Variants in PALM2AKAP2 observed in about 807,000 individuals in gnomAD.
PALM2AKAP2 encodes the protein PALM2-AKAP2 fusion protein.
A neutral mutation model predicts 71.5 loss-of-function variants in PALM2AKAP2; 37 were observed. That is an observed-to-expected ratio of 0.52 (90% CI 0.40 to 0.68). The LOEUF (loss-of-function observed/expected upper bound fraction) is 0.68. PALM2AKAP2 is among the 30% of genes least tolerant of loss of function. PALM2AKAP2 has a pLI of 0.00. For missense variants in PALM2AKAP2, 1,224 were observed against 1,191.8 expected, an observed-to-expected ratio of 1.03 and a Z score of -0.40; for synonymous variants, 468 against 478.8, an observed-to-expected ratio of 0.98 and a Z score of 0.29.
intron 1 of PALM2AKAP2, among the ~76,000 whole-genome samples, chr9:109,834,571 G>A (rs1828402645): frequency 6.6e-6 from 1 of 151,874 alleles, no homozygotes; most frequent in African/African-American, 2.4e-5. Context: ...GAAAATACAG[G>A]GTCCAGCCCA....
intron 1 of PALM2AKAP2, among the ~76,000 whole-genome samples, chr9:109,767,973 A>AAAGGAAGG (rs1302372252): frequency 5.3e-4 from 58 of 110,148 alleles, no homozygotes; most frequent in African/African-American, 1.0e-3. Context: ...AAGGAAGGAG[A>AAAGGAAGG]AAGGAAGGAA....
At chr9:110,061,696 G>A (rs988927738) in intron 1 of PALM2AKAP2, among the ~76,000 whole-genome samples, 6 of 150,698 alleles carry the variant, frequency 4.0e-5, no homozygotes, top group African/African-American at 7.3e-5. Flanking sequence ...ACACCACCAC[G>A]CCTGGCTAAT....
intron 1 of PALM2AKAP2, among the ~76,000 whole-genome samples, chr9:109,825,868 A>G (rs1828135206): frequency 1.3e-5 from 2 of 152,334 alleles, no homozygotes; most frequent in South Asian, 4.1e-4. Context: ...TACTGGGTAT[A>G]TACACAAAGG....
chr9:109,708,393 A>G (rs956466), intron 1 of PALM2AKAP2, among the ~76,000 whole-genome samples: 53,561 of 152,042 alleles, frequency 0.35, 9,826 homozygotes, highest in African/African-American at 0.46. Context: ...CACTCTTCAT[A>G]TTTTCATCAT....
intron 6 of PALM2AKAP2, among the ~76,000 whole-genome samples, chr9:109,972,638 C>G (rs904837704): frequency 6.6e-6 from 1 of 152,172 alleles, no homozygotes; most frequent in African/African-American, 2.4e-5. Context: ...ACCCCTGCCA[C>G]TAGGGGCATA....
intron 6 of PALM2AKAP2, among the ~76,000 whole-genome samples, chr9:110,006,072 A>C (rs1314215257): frequency 6.6e-6 from 1 of 152,170 alleles, no homozygotes; most frequent in African/African-American, 2.4e-5. Flanking sequence ...AGATTAACCC[A>C]GTACCTCAGT....
intron 3 of PALM2AKAP2, among the ~76,000 whole-genome samples, chr9:110,158,603 A>G (rs1465103219): frequency 6.6e-6 from 1 of 152,206 alleles, no homozygotes; most frequent in African/African-American, 2.4e-5. Context: ...TTTCCTCTGC[A>G]TGAATGAAGC....
At chr9:109,807,328 T>C (rs1174796391) in intron 1 of PALM2AKAP2, among the ~76,000 whole-genome samples, 1 of 152,168 alleles carries the variant, frequency 6.6e-6, no homozygotes, top group African/African-American at 2.4e-5. Context: ...TAGGTGGAAG[T>C]GTTGAGTGGT....
intron 6 of PALM2AKAP2, among the ~76,000 whole-genome samples, chr9:109,988,591 AAAGG>A (rs1293141715): frequency 1.1e-3 from 80 of 74,544 alleles, no homozygotes; most frequent in Middle Eastern, 6.7e-3. Flanking sequence ...AAAAAGGAAG[AAAGG>A]AAGGAAGGAA....
chr9:110,108,401 C>G (rs1835167517), intron 1 of PALM2AKAP2, among the ~76,000 whole-genome samples: 1 of 152,158 alleles, frequency 6.6e-6, no homozygotes, highest in African/African-American at 2.4e-5. Flanking sequence ...GCGTGAGCCA[C>G]CCCGCCTGGC....
chr9:110,090,919 T>G (rs1455689402), intron 1 of PALM2AKAP2, among the ~76,000 whole-genome samples: 1 of 152,136 alleles, frequency 6.6e-6, no homozygotes, highest in Non-Finnish European at 1.5e-5. Flanking sequence ...AAGCTGGGAA[T>G]GTATGAACGG....
At chr9:109,942,849 A>G (rs749194616) in intron 6 of PALM2AKAP2, 1 of 1,614,198 alleles carries the variant, frequency 6.2e-7, no homozygotes. Flanking sequence ...GAGGCACCGT[A>G]GTAGAAAATG....
At chr9:110,154,592 G>A (rs1210510591) in intron 2 of PALM2AKAP2, among the ~76,000 whole-genome samples, 4 of 152,064 alleles carry the variant, frequency 2.6e-5, no homozygotes, top group Admixed American at 1.3e-4. Flanking sequence ...CCTAATTTCC[G>A]TAATAAAAAA....
chr9:110,111,449 A>G (rs1835250017), intron 1 of PALM2AKAP2, among the ~76,000 whole-genome samples: 1 of 152,208 alleles, frequency 6.6e-6, no homozygotes, highest in South Asian at 2.1e-4. Context: ...TGTTACTGAA[A>G]TGATGACATG....
chr9:110,062,979 T>G (rs189344484), intron 1 of PALM2AKAP2, among the ~76,000 whole-genome samples: 1 of 152,328 alleles, frequency 6.6e-6, no homozygotes, highest in African/African-American at 2.4e-5. Flanking sequence ...ATTGATAGTT[T>G]ATCTTATACA....
intron 1 of PALM2AKAP2, among the ~76,000 whole-genome samples, chr9:109,803,964 G>T (rs1200436567): frequency 1.3e-5 from 2 of 152,180 alleles, no homozygotes; most frequent in African/African-American, 4.8e-5. Flanking sequence ...ATCAAAGACT[G>T]CCACCTAACA....
intron 1 of PALM2AKAP2, among the ~76,000 whole-genome samples, chr9:109,817,952 G>T (rs1322113385): frequency 1.3e-5 from 2 of 152,214 alleles, no homozygotes; most frequent in Non-Finnish European, 2.9e-5. Flanking sequence ...AAGTCGTTAA[G>T]TGGATCTCCC....
intron 1 of PALM2AKAP2, among the ~76,000 whole-genome samples, chr9:109,816,908 G>T (rs989878989): frequency 1.3e-5 from 2 of 152,200 alleles, no homozygotes; most frequent in African/African-American, 4.8e-5. Context: ...TATTCATTGA[G>T]TCTGAAATGC....
At chr9:110,170,541 A>G (rs1836837000) in exon 4 of PALM2AKAP2, 1 of 152,238 alleles carries the variant, frequency 6.6e-6, no homozygotes, top group African/African-American at 2.4e-5. Flanking sequence ...ACTTGAAGCC[A>G]CATCCTACAG....
Sources: allele counts gnomAD v4.1 joint callset (sites outside exome capture counted in the v4.1 genomes callset), GRCh38; gene constraint gnomAD v4.1.1; transcripts MANE v1.5; gene names NCBI Gene and HGNC (gene_info 2026-07-23, HGNC 2026-07-21).